The following ZNF461 variants were observed in gnomAD, a reference collection of about 807,000 sequenced individuals.
ZNF461 encodes gonadotropin-inducible ovarian transcription factor-1.
A neutral mutation model predicts 18.3 loss-of-function variants in ZNF461; 16 were observed. The observed-to-expected ratio is 0.88, with a 90% CI of 0.59 to 1.33. ZNF461 has a LOEUF of 1.33. ZNF461 is among the 40% of genes most tolerant of loss of function. The pLI is 0.00. For synonymous variants in ZNF461, 179 were observed against 216.9 expected (o/e 0.83, Z 1.54); for missense variants, 595 against 669.9 (o/e 0.89, Z 1.23).
At chr19:36,652,211 G>T (rs1397998550) in intron 4 of ZNF461, among the ~76,000 whole-genome samples, 1 of 151,976 alleles carries the variant, frequency 6.6e-6, no homozygotes. Flanking sequence ...AAAATTTCTG[G>T]CCAGGCACGG....
At position 36,639,028 on chromosome 19, in the gene ZNF461, T is replaced by C. The variant is rs2037356855; in HGVS notation, c.1317A>G (p.Lys439=). The change falls in exon 6 of 6, where the codon AAA becomes AAG. Residue 439 remains lysine (K), a synonymous_variant. Transcript: ENST00000588268. ...TLHQRIHTGE[K]PYECKECGKT... is the part of the protein sequence containing the mutation. ...TCCCACATTCCTTACACTCATAGGG[T>C]TTCTCACCAGTATGAATCCTCTGAT... 1.2e-6 allele frequency: 2 copies of C among 1,614,024 alleles called. No homozygotes were observed. Among genetic ancestry groups the C allele is most frequent in the African/African-American group, 2.7e-5 (2 of 75,000 alleles).
intron 3 of ZNF461, chr19:36,658,030 T>C (rs1358036052): frequency 2.4e-6 from 1 of 410,844 alleles, no homozygotes; most frequent in Non-Finnish European, 4.4e-6. Context: ...TGTTATGCTT[T>C]AACATTGCAG....
At chr19:36,655,913 G>A (rs1315567551) in intron 4 of ZNF461, among the ~76,000 whole-genome samples, 1 of 151,938 alleles carries the variant, frequency 6.6e-6, no homozygotes, top group East Asian at 1.9e-4. Flanking sequence ...CTCCATGGAA[G>A]TGTTGGCACC....
chr19:36,654,943 CT>C (rs2037690726), intron 4 of ZNF461, among the ~76,000 whole-genome samples: 2 of 152,164 alleles, frequency 1.3e-5, no homozygotes, highest in African/African-American at 4.8e-5. Flanking sequence ...CTCTATAACA[CT>C]TTAAAAATGT....
At chr19:36,661,774 A>G (rs1374616617) in intron 2 of ZNF461, among the ~76,000 whole-genome samples, 1 of 152,190 alleles carries the variant, frequency 6.6e-6, no homozygotes, top group Admixed American at 6.5e-5. Context: ...CTCAGATCAC[A>G]GGAAGGAAGG....
chr19:36,657,902 G>A (rs543266457), intron 3 of ZNF461, among the ~76,000 whole-genome samples: 1 of 152,216 alleles, frequency 6.6e-6, no homozygotes, highest in African/African-American at 2.4e-5. Context: ...TATTACCCAG[G>A]AAAGAAAAAA....
At chr19:36,658,679 T>C in intron 2 of ZNF461, 1 of 336,552 alleles carries the variant, frequency 3.0e-6, no homozygotes, top group Non-Finnish European at 5.3e-6. Context: ...ATCTCAAAAC[T>C]AAGAAAATAA....
chr19:36,645,388 A>G (rs1568649075), intron 4 of ZNF461, among the ~76,000 whole-genome samples: 1 of 152,162 alleles, frequency 6.6e-6, no homozygotes, highest in Admixed American at 6.5e-5. Flanking sequence ...ACTTTTTTCT[A>G]TTTCTTAGCA....
Position 36,639,592 on chromosome 19 carries a change from A to G in ZNF461, c.753T>C (p.Cys251=), listed in dbSNP as rs757018668. The G allele has an allele frequency of 9.3e-6, 15 of 1,612,936 alleles. No individual in the cohort carries two copies. The South Asian group carries it at 1.4e-4, about 15-fold the overall frequency. Residue 251 remains cysteine (C), a synonymous_variant, in exon 6 of 6, where the codon TGT becomes TGC. Transcript: ENST00000588268. ...GTGAGCAATGAACAAAGGCCTTCCA[A>G]CATTCTTTACACTCATTGCATTTGT... The part of the protein sequence containing the change: ...NGDKCNECKE[C]WKAFVHCSQL...
intron 4 of ZNF461, among the ~76,000 whole-genome samples, 183 bp downstream of exon 4, chr19:36,656,265 G>A (rs1445193401): frequency 2.6e-5 from 4 of 152,292 alleles, no homozygotes; most frequent in African/African-American, 7.2e-5. Flanking sequence ...GATTACAGGC[G>A]TGAGCCACCG....
Position 36,639,649 on chromosome 19 carries a change from G to T in ZNF461, c.696C>A (p.Cys232Ter), listed in dbSNP as rs1287481071. ...TTTGAATTGTCTGTTGTTTAAAAAG[G>T]CATGGTGTATTAACAATTTCTGTGC... ...KECTEIVNTP[C>*]LFKQQTIQNG... The change falls in exon 6 of 6, where the codon TGC becomes TGA. Residue 232 changes from cysteine (C) to a stop codon, truncating the protein, a stop_gained. Coordinates refer to ENST00000588268, the MANE Select transcript of ZNF461 (RefSeq NM_153257.5). LOFTEE classifies it low-confidence loss of function (END_TRUNC). 10 of 1,613,596 alleles carry T rather than the reference G, an allele frequency of 6.2e-6. No homozygotes were observed. In the East Asian group the frequency reaches 2.2e-4, roughly 36 times the overall value.
At chr19:36,652,261 G>A (rs1441555637) in intron 4 of ZNF461, among the ~76,000 whole-genome samples, 1 of 151,934 alleles carries the variant, frequency 6.6e-6, no homozygotes, top group African/African-American at 2.4e-5. Flanking sequence ...GGAGGTGGAG[G>A]CAGGCAGATC....
At chr19:36,661,943 C>T (rs1009104914) in intron 2 of ZNF461, among the ~76,000 whole-genome samples, 2 of 152,138 alleles carry the variant, frequency 1.3e-5, no homozygotes, top group African/African-American at 2.4e-5. Flanking sequence ...AATCTCGGCT[C>T]ACTGCAACCT....
intron 3 of ZNF461, 128 bp from the exon 4 acceptor site, chr19:36,656,671 A>G (rs745686715): frequency 5.1e-5 from 35 of 691,116 alleles, no homozygotes; most frequent in Non-Finnish European, 7.6e-5. Flanking sequence ...CAGAGGAAAT[A>G]AAGGAGAAGA....
chr19:36,644,299 C>T (rs186140216), intron 4 of ZNF461, among the ~76,000 whole-genome samples: 11 of 151,546 alleles, frequency 7.3e-5, no homozygotes, highest in Non-Finnish European at 1.5e-4. Context: ...GATGGAGTCT[C>T]GCTCTGTCCC....
intron 5 of ZNF461, among the ~76,000 whole-genome samples, chr19:36,642,764 G>C: frequency 6.6e-6 from 1 of 150,526 alleles, no homozygotes; most frequent in Non-Finnish European, 1.5e-5. Context: ...TTTTGGTGGG[G>C]GGGGGTGGGG....
intron 2 of ZNF461, among the ~76,000 whole-genome samples, chr19:36,663,768 G>A (rs995222225): frequency 6.6e-6 from 1 of 151,920 alleles, no homozygotes; most frequent in East Asian, 1.9e-4. Flanking sequence ...AGACTCCAGC[G>A]ATTCTCCCAC....
chr19:36,664,065 T>C (rs2037862289), intron 2 of ZNF461, among the ~76,000 whole-genome samples: 1 of 152,164 alleles, frequency 6.6e-6, no homozygotes, highest in Non-Finnish European at 1.5e-5. Context: ...CAAATCAAAG[T>C]TCTGACAAGA....
At position 36,638,740 on chromosome 19, in the gene ZNF461, T is replaced by C; in HGVS notation, c.1605A>G (p.Leu535=). The C allele has an allele frequency of 6.2e-7, 1 of 1,614,070 alleles. No homozygotes were observed. Among genetic ancestry groups the C allele is most frequent in the Non-Finnish European group, 8.5e-7 (1 of 1,179,938 alleles). ...YQCGKAFNHR[L]QLNLHQTLHT... is the part of the protein sequence containing the mutation. Reference sequence around the variant, plus strand: ...GAAGAGTCTGATGTAAGTTAAGTTGTAATCTATGATTAAACGCCTTCCCGC... The same window carrying C: ...GAAGAGTCTGATGTAAGTTAAGTTGCAATCTATGATTAAACGCCTTCCCGC... Residue 535 remains leucine (L), a synonymous_variant, in exon 6 of 6, where the codon TTA becomes TTG. Transcript: ENST00000588268.
Sources: gnomAD v4.1 joint callset for allele counts (sites outside exome capture counted in the v4.1 genomes callset) on GRCh38, gnomAD v4.1.1 for gene constraint, MANE v1.5 for transcripts, NCBI Gene and HGNC (gene_info 2026-07-23, HGNC 2026-07-21) for gene names.